NLRP8: variants seen among roughly 807,000 people sequenced by gnomAD.
NLRP8 encodes NACHT, LRR and PYD domains-containing protein 8.
A neutral mutation model predicts 88.7 loss-of-function variants in NLRP8; 86 were observed. The ratio of observed to expected loss-of-function variants is 0.97; its 90% CI spans 0.81 to 1.16. The LOEUF (loss-of-function observed/expected upper bound fraction) is 1.16, where lower values mean the gene tolerates loss of function less well. Among genes scored for constraint, NLRP8 ranks in the 50% most tolerant of loss-of-function variants. The pLI is 0.00. For synonymous variants in NLRP8, 504 were observed against 494.6 expected (o/e 1.02, Z -0.25); for missense variants, 1,342 against 1,286.5 (o/e 1.04, Z -0.66).
chr19:55,948,930 G>A (rs534649884), intron 1 of NLRP8, among the ~76,000 whole-genome samples: 1 of 152,272 alleles, frequency 6.6e-6, no homozygotes, highest in South Asian at 2.1e-4. Context: ...ACTTTAAAAG[G>A]CCATTTCGCA....
At chr19:55,974,964 G>A (rs1980243786) in intron 7 of NLRP8, among the ~76,000 whole-genome samples, 1 of 152,072 alleles carries the variant, frequency 6.6e-6, no homozygotes, top group South Asian at 2.1e-4. Context: ...AAGTGCCAGT[G>A]TCTGTCCGAG....
rs1464429760 is a variant in NLRP8, at chr19:55,988,458, A to ATATATATATATATATGTG, written c.*556_*557insATATGTGTATATATATAT. On this transcript the variant is annotated 3_prime_UTR_variant, in exon 10 of 10. Coordinates refer to ENST00000291971, the MANE Select transcript of NLRP8 (RefSeq NM_176811.2). ...TATGTGTGTGTGTATATATATATAT[A>ATATATATATATATATGTG]TATATATATATGCTATATAAAGTTT... is the stretch of plus-strand genomic sequence containing the variant. The ATATATATATATATATGTG allele has an allele frequency of 6.9e-6, 1 of 145,422 alleles. No homozygotes were observed. The highest frequency in any genetic ancestry group is 1.5e-5 in the Non-Finnish European group (1 of 66,558). The allele number at this position is 145,422 out of a possible 1,614,324, so 9.0% of individuals were successfully genotyped here. A position where few individuals can be genotyped will look rare whatever the true frequency, so the allele number is the denominator to read the frequency against.
At chr19:55,954,347 G>A (rs10419967) in intron 2 of NLRP8, among the ~76,000 whole-genome samples, 154 bp from the exon 3 acceptor site, 1 of 152,156 alleles carries the variant, frequency 6.6e-6, no homozygotes, top group African/African-American at 2.4e-5. Context: ...GTGCTTCCTA[G>A]TTGACACAGC....
chr19:55,956,741 A>G (rs1394859449), intron 3 of NLRP8, among the ~76,000 whole-genome samples: 4 of 151,308 alleles, frequency 2.6e-5, no homozygotes, highest in African/African-American at 9.7e-5. Flanking sequence ...TCCCTTGTTC[A>G]CCCTCCCTCC....
Position 55,966,314 on chromosome 19 carries a change from A to G in NLRP8, c.2315A>G (p.Glu772Gly), listed in dbSNP as rs756359525. The G allele has an allele frequency of 1.2e-6, 2 of 1,614,038 alleles. No individual in the cohort carries two copies. The highest frequency in any genetic ancestry group is 1.7e-5 in the Admixed American group (1 of 60,020). ...TTGGAAATACAACATGTGGAAGTGG[A>G]GTCCAAAGCTGTGAAGCTTCTATGC... Residue 772 changes from glutamate (E) to glycine (G), a missense_variant, in exon 5 of 10, where the codon GAG becomes GGG. Glu to Gly is a moderately conservative substitution (Grantham distance 98). Coordinates refer to ENST00000291971, the MANE Select transcript of NLRP8 (RefSeq NM_176811.2).
chr19:55,978,815 G>C (rs1434376143), intron 8 of NLRP8, among the ~76,000 whole-genome samples: 1 of 152,108 alleles, frequency 6.6e-6, no homozygotes, highest in South Asian at 2.1e-4. Flanking sequence ...CCAGCTGCTA[G>C]GGAGGCTACT....
Position 55,954,612 on chromosome 19 carries a change from A to G in NLRP8, c.554A>G (p.His185Arg), listed in dbSNP as rs1423459780. ...TTCTTCTACCAAGGTGTACACAGGC[A>G]CGAGGAGTACTTACCATGTCTGCTT... Residue 185 changes from histidine (H) to arginine (R), a missense_variant, in exon 3 of 10, where the codon CAC (histidine) becomes CGC (arginine). His to Arg is a conservative substitution (Grantham distance 29). Coordinates refer to ENST00000291971, the MANE Select transcript of NLRP8 (RefSeq NM_176811.2). 1 of 1,614,242 alleles carries G rather than the reference A, an allele frequency of 6.2e-7. No homozygotes were observed. Among genetic ancestry groups the G allele is most frequent in the South Asian group, 1.1e-5 (1 of 91,080 alleles).
chr19:55,954,159 C>A (rs536382205), intron 2 of NLRP8, among the ~76,000 whole-genome samples: 1 of 152,230 alleles, frequency 6.6e-6, no homozygotes, highest in African/African-American at 2.4e-5. Flanking sequence ...CAGCAGCGAT[C>A]TTCTATCTGT....
intron 9 of NLRP8, among the ~76,000 whole-genome samples, chr19:55,986,316 TCACA>T (rs754944150): frequency 5.6e-5 from 8 of 141,964 alleles, no homozygotes; most frequent in Non-Finnish European, 7.6e-5. Context: ...ACACAGTCTC[TCACA>T]CACACACACT....
intron 1 of NLRP8, among the ~76,000 whole-genome samples, chr19:55,949,797 G>A (rs1271183635): frequency 1.3e-5 from 2 of 152,180 alleles, no homozygotes; most frequent in African/African-American, 4.8e-5. Context: ...AGGAGAGTGG[G>A]TGCCTTACGT....
At chr19:55,956,707 G>C (rs1426434926) in intron 3 of NLRP8, among the ~76,000 whole-genome samples, 1 of 152,084 alleles carries the variant, frequency 6.6e-6, no homozygotes, top group Non-Finnish European at 1.5e-5. Flanking sequence ...TGCTAAACCT[G>C]GGAGAATACT....
Position 55,947,967 on chromosome 19 carries a change from C to T in NLRP8, c.65C>T (p.Ser22Phe). The change falls in exon 1 of 10, where the codon TCT (serine) becomes TTT (phenylalanine). Residue 22 changes from serine (S) to phenylalanine (F), a missense_variant. Coordinates refer to ENST00000291971, the MANE Select transcript of NLRP8 (RefSeq NM_176811.2). ...TTTTCATCCTCCTCCACTCACAGTT[C>T]TCATATTCCGCCCTGGACATTCTCT... The T allele has an allele frequency of 6.2e-7, 1 of 1,614,080 alleles. No individual in the cohort carries two copies. Among genetic ancestry groups the T allele is most frequent in the South Asian group, 1.1e-5 (1 of 91,070 alleles).
In NLRP8 at chr19:55,948,186, G is replaced by T; in HGVS notation, c.284G>T (p.Arg95Leu). The change falls in exon 1 of 10, where the codon CGA becomes CTA. Residue 95 changes from arginine (R) to leucine (L), a missense_variant. Coordinates refer to ENST00000291971, the MANE Select transcript of NLRP8 (RefSeq NM_176811.2). ...CTCTTGATAGAGCGTTTCCCTGGACGACGCGCTTGGGATGTGACTTCGAAC... is the reference window on the plus strand; with the variant it reads ...CTCTTGATAGAGCGTTTCCCTGGACTACGCGCTTGGGATGTGACTTCGAAC... 1 of 1,614,158 alleles carries T rather than the reference G, an allele frequency of 6.2e-7. No individual in the cohort carries two copies. Among genetic ancestry groups the T allele is most frequent in the Non-Finnish European group, 8.5e-7 (1 of 1,180,040 alleles).
At chr19:55,985,534 C>A (rs1298312704) in intron 9 of NLRP8, among the ~76,000 whole-genome samples, 1 of 152,022 alleles carries the variant, frequency 6.6e-6, no homozygotes, top group Non-Finnish European at 1.5e-5. Context: ...TTGATTGTTC[C>A]TACATAGAAG....
In NLRP8 at chr19:55,955,759, C is replaced by A; in HGVS notation, c.1701C>A (p.Cys567Ter). ...TATTCGGTTTTCTGAACGAGGCCTG[C>A]GCTTCGGCCGTGGAACAGTCATTCC... The change falls in exon 3 of 10, where the codon TGC becomes TGA. Residue 567 changes from cysteine (C) to a stop codon, truncating the protein, a stop_gained. Coordinates refer to ENST00000291971, the MANE Select transcript of NLRP8 (RefSeq NM_176811.2). LOFTEE classifies it high-confidence loss of function. 1 of 1,614,138 alleles carries A rather than the reference C, an allele frequency of 6.2e-7. No homozygotes were observed.
At position 55,970,821 on chromosome 19, in the gene NLRP8, G is replaced by A. The variant is rs1366462507; in HGVS notation, c.2534+125G>A. The stretch of plus-strand genomic sequence containing the variant: ...ATGTATAGGAGCAAACATAAGTCTT[G>A]TGATTGATGTAATTATATAGATAGG... On this transcript the variant is annotated intron_variant, in intron 6 of 9. Transcript: ENST00000291971. The A allele has an allele frequency of 4.9e-6, 6 of 1,221,632 alleles. No homozygotes were observed. The Admixed American group carries it at 1.3e-4, about 27-fold the overall frequency. The allele number at this position is 1,221,632 out of a possible 1,614,324, so 75.7% of individuals were successfully genotyped here. A position where few individuals can be genotyped will look rare whatever the true frequency, so the allele number is the denominator to read the frequency against.
At chr19:55,961,248 G>A (rs1979596477) in intron 3 of NLRP8, among the ~76,000 whole-genome samples, 1 of 152,004 alleles carries the variant, frequency 6.6e-6, no homozygotes, top group South Asian at 2.1e-4. Context: ...CTTCACATGT[G>A]TATCTTGGTC....
intron 8 of NLRP8, among the ~76,000 whole-genome samples, chr19:55,979,169 A>G (rs1402974532): frequency 1.3e-5 from 2 of 152,262 alleles, no homozygotes; most frequent in Admixed American, 6.5e-5. Context: ...TTCGAAAGAT[A>G]TACTTGGCTC....
chr19:55,962,652 C>A (rs73934218), intron 4 of NLRP8, among the ~76,000 whole-genome samples: 57,925 of 151,864 alleles, frequency 0.38, 11,763 homozygotes, highest in East Asian at 0.55. Context: ...CTCAGGTGTT[C>A]GAGACCAGTC....
Sources: allele counts gnomAD v4.1 joint callset (sites outside exome capture counted in the v4.1 genomes callset), GRCh38; gene constraint gnomAD v4.1.1; transcripts MANE v1.5; gene names NCBI Gene and HGNC (gene_info 2026-07-23, HGNC 2026-07-21).